Variants in ZBTB46 observed in about 807,000 individuals in gnomAD.
The protein encoded by ZBTB46 is zinc finger and BTB domain-containing protein 46.
A neutral mutation model predicts 44.1 loss-of-function variants in ZBTB46; 8 were observed. The ratio of observed to expected loss-of-function variants is 0.18; its 90% CI spans 0.11 to 0.33. The LOEUF is 0.33. ZBTB46 is among the 10% of genes least tolerant of loss of function. ZBTB46 has a pLI of 1.00. For missense variants in ZBTB46, 651 were observed against 847.7 expected (o/e 0.77, Z 2.88); for synonymous variants, 409 against 382.3 (o/e 1.07, Z -0.81).
intron 3 of ZBTB46, among the ~76,000 whole-genome samples, chr20:63,758,407 T>A (rs892157850): frequency 6.6e-6 from 1 of 151,960 alleles, no homozygotes; most frequent in Non-Finnish European, 1.5e-5. Flanking sequence ...CCGGCCTGCA[T>A]TTCCCCCTCT....
At chr20:63,779,925 A>T (rs1296799907) in intron 2 of ZBTB46, among the ~76,000 whole-genome samples, 1 of 152,170 alleles carries the variant, frequency 6.6e-6, no homozygotes, top group African/African-American at 2.4e-5. Context: ...GGTGAAAAAC[A>T]CATAAAAGAA....
chr20:63,773,046 A>G (rs1291447594), intron 3 of ZBTB46, among the ~76,000 whole-genome samples: 1 of 152,134 alleles, frequency 6.6e-6, no homozygotes, highest in East Asian at 1.9e-4. Flanking sequence ...CTGGCACCAC[A>G]GGGCCCACAG....
chr20:63,782,199 C>CCCCGAGCA, intron 2 of ZBTB46, among the ~76,000 whole-genome samples: 1 of 152,174 alleles, frequency 6.6e-6, no homozygotes, highest in Admixed American at 6.5e-5. Flanking sequence ...AGGCTGCAAC[C>CCCCGAGCA]CCCGAGCCGT....
chr20:63,755,141 C>T (rs1253118442), intron 3 of ZBTB46, among the ~76,000 whole-genome samples: 2 of 152,234 alleles, frequency 1.3e-5, no homozygotes, highest in African/African-American at 4.8e-5. Flanking sequence ...GGCAGAGCCG[C>T]AGCTGCGGAC....
chr20:63,824,723 C>T (rs1278721444), intron 1 of ZBTB46, among the ~76,000 whole-genome samples: 2 of 101,858 alleles, frequency 2.0e-5, no homozygotes, highest in Admixed American at 1.1e-4. Flanking sequence ...CCCATCACTG[C>T]ACCCCCATCT....
rs146003063 is a variant in ZBTB46, at chr20:63,790,713, C to A, written c.45G>T (p.Arg15=). 1,788 of 1,610,602 alleles carry A rather than the reference C, an allele frequency of 1.1e-3. 21 individuals are homozygous for A. Among genetic ancestry groups the A allele is most frequent in the South Asian group, 9.3e-3 (851 of 91,044 alleles). The change falls in exon 2 of 5, where the codon CGG becomes CGT. Residue 15 remains arginine (R), a synonymous_variant. Transcript: ENST00000245663. The part of the protein sequence containing the change: ...KEDMEITSHY[R]HLLRELNEQR... ...GCTCGTTGAGCTCCCGCAGCAGGTGCCGGTAGTGGGACGTGATTTCCATAT... is the reference window on the plus strand; with the variant it reads ...GCTCGTTGAGCTCCCGCAGCAGGTGACGGTAGTGGGACGTGATTTCCATAT...
At position 63,752,401 on chromosome 20, in the gene ZBTB46, C is replaced by CA. The variant is rs2092176825; in HGVS notation, c.1398+284dup. Among the ~76,000 whole-genome samples the CA allele has an allele frequency of 6.6e-6, 1 of 152,042 alleles. No individual in the cohort carries two copies. On this transcript the variant is annotated intron_variant, in intron 4 of 4. Coordinates refer to ENST00000245663, the MANE Select transcript of ZBTB46 (RefSeq NM_001369741.1). The surrounding 1 kb of genome is among the most constrained non-coding windows in gnomAD (Gnocchi z 5.6). ...AGAGGTGGCTGAGGGTTGGGGGCTCCAAGCAGAGCGAGCTGAGTTTGCCGA... is the reference window on the plus strand; with the variant it reads ...AGAGGTGGCTGAGGGTTGGGGGCTCCAAAGCAGAGCGAGCTGAGTTTGCCGA...
At chr20:63,816,171 G>C (rs1371104230) in intron 1 of ZBTB46, among the ~76,000 whole-genome samples, 1 of 151,634 alleles carries the variant, frequency 6.6e-6, no homozygotes, top group Non-Finnish European at 1.5e-5. Context: ...GGTGCGGTGG[G>C]CACAGATGCA....
At chr20:63,799,457 G>A (rs2092627515) in intron 1 of ZBTB46, among the ~76,000 whole-genome samples, 1 of 151,644 alleles carries the variant, frequency 6.6e-6, no homozygotes, top group African/African-American at 2.4e-5. Flanking sequence ...AGCGATTCTT[G>A]TACCTCAGCC....
At chr20:63,801,678 C>T (rs1160018319) in intron 1 of ZBTB46, among the ~76,000 whole-genome samples, 2 of 152,168 alleles carry the variant, frequency 1.3e-5, no homozygotes, top group African/African-American at 4.8e-5. Context: ...ACGAACCCAC[C>T]AGAAGGAAGA....
intron 2 of ZBTB46, among the ~76,000 whole-genome samples, chr20:63,780,586 A>C (rs1280404883): frequency 6.6e-6 from 1 of 151,802 alleles, no homozygotes; most frequent in Non-Finnish European, 1.5e-5. Flanking sequence ...GCGGATCACG[A>C]GGTCAGGAGT....
At chr20:63,813,197 C>G (rs1460156880) in intron 1 of ZBTB46, among the ~76,000 whole-genome samples, 1 of 152,008 alleles carries the variant, frequency 6.6e-6, no homozygotes, top group Non-Finnish European at 1.5e-5. Context: ...ACCTGTAATC[C>G]CAGCACTTTG....
chr20:63,782,096 A>AAAAAAAAAAAAAAAG lies in ZBTB46; in HGVS notation c.938-6135_938-6134insCTTTTTTTTTTTTTT, dbSNP rs1386082316. ...AGCAAGACTCCGTCTCAAAAAAAAA[A>AAAAAAAAAAAAAAAG]AAAAGAAAAGAGGCGTGGCGATTTT... On this transcript the variant is annotated intron_variant, in intron 2 of 4. Transcript: ENST00000245663. Among the ~76,000 whole-genome samples, 7 of 124,972 alleles carry AAAAAAAAAAAAAAAG rather than the reference A, an allele frequency of 5.6e-5. 1 individual carries two copies. The highest frequency in any genetic ancestry group is 8.4e-5 in the Non-Finnish European group (5 of 59,636). 82.0% of individuals were successfully genotyped at this position (124,972 alleles called of 152,430 possible).
chr20:63,799,012 G>T (rs1023967494), intron 1 of ZBTB46, among the ~76,000 whole-genome samples: 1 of 151,884 alleles, frequency 6.6e-6, no homozygotes, highest in Non-Finnish European at 1.5e-5. Context: ...TCTAAGAACT[G>T]CTCTCCACAA....
chr20:63,747,494 G>GGTGGGGGGGGC, intron 4 of ZBTB46, among the ~76,000 whole-genome samples, 193 bp from the exon 5 acceptor site: 1 of 66,874 alleles, frequency 1.5e-5, no homozygotes, highest in African/African-American at 5.7e-5. Context: ...GGGCCCGGTG[G>GGTGGGGGGGGC]AGGTTGGGAG....
Position 63,750,424 on chromosome 20 carries a change from A to C in ZBTB46, c.1398+2262T>G, listed in dbSNP as rs192742160. On this transcript the variant is annotated intron_variant, in intron 4 of 4. Transcript: ENST00000245663. ...TTTTTTTTTTTTTAATTTTTTGTAG[A>C]GACAGAGTCTCGCAATTTTGCCCAG... Among the ~76,000 whole-genome samples, 716 of 151,194 alleles carry C rather than the reference A, an allele frequency of 4.7e-3. 7 individuals are homozygous for C. The highest frequency in any genetic ancestry group is 0.016 in the African/African-American group (677 of 41,142).
In ZBTB46 at chr20:63,767,912, T is replaced by A. The variant is rs143296575; in HGVS notation, c.1222+7766A>T. ...CCACAGGCCCTGCAGAAACCCACCC[T>A]CATGCCAGCGGGAGCCAACTCTGGA... On this transcript the variant is annotated intron_variant, in intron 3 of 4. Coordinates refer to ENST00000245663, the MANE Select transcript of ZBTB46 (RefSeq NM_001369741.1). This position sits in a 1 kb window ranked among gnomAD's most constrained non-coding sequence, Gnocchi z 5.0. 43 of 985,398 alleles carry A rather than the reference T, an allele frequency of 4.4e-5. No homozygotes were observed. In the East Asian group the frequency reaches 4.3e-3, roughly 99 times the overall value. The allele number at this position is 985,398 out of a possible 1,614,324, so 61.0% of individuals were successfully genotyped here. A position where few individuals can be genotyped will look rare whatever the true frequency, so the allele number is the denominator to read the frequency against.
chr20:63,767,127 C>G lies in ZBTB46; in HGVS notation c.1222+8551G>C, dbSNP rs554040907. On this transcript the variant is annotated intron_variant, in intron 3 of 4. Coordinates refer to ENST00000245663, the MANE Select transcript of ZBTB46 (RefSeq NM_001369741.1). The surrounding 1 kb of genome is among the most constrained non-coding windows in gnomAD (Gnocchi z 5.0). ...AAAGCAGCACATTCCCGTAATTCCA[C>G]GCCGACACGTGGAGCGCCGCGCACA... Among the ~76,000 whole-genome samples, 5 of 152,224 alleles carry G rather than the reference C, an allele frequency of 3.3e-5. No individual in the cohort carries two copies. Among genetic ancestry groups the G allele is most frequent in the Non-Finnish European group, 7.3e-5 (5 of 68,032 alleles).
At chr20:63,809,224 A>AGCAGCCCTGGGGGC (rs34310751) in intron 1 of ZBTB46, among the ~76,000 whole-genome samples, 2 of 151,710 alleles carry the variant, frequency 1.3e-5, no homozygotes, top group Non-Finnish European at 2.9e-5. Flanking sequence ...GGGCAAGGTC[A>AGCAGCCCTGGGGGC]GCAGCCCTGG....
Sources: gnomAD v4.1 joint callset for allele counts (sites outside exome capture counted in the v4.1 genomes callset) on GRCh38, gnomAD v4.1.1 for gene constraint, Gnocchi (gnomAD v3.1) non-coding constraint, MANE v1.5 for transcripts, NCBI Gene and HGNC (gene_info 2026-07-23, HGNC 2026-07-21) for gene names.